CEMIP: variants seen among roughly 807,000 people sequenced by gnomAD.
The protein encoded by CEMIP is cell migration-inducing and hyaluronan-binding protein.
In CEMIP, 105 loss-of-function variants were observed where a neutral mutation model predicts 156.9. The observed-to-expected ratio is 0.67, with a 90% CI of 0.57 to 0.79. CEMIP has a LOEUF of 0.79. CEMIP is among the 30% of genes least tolerant of loss of function. The pLI is 0.00. For synonymous variants in CEMIP, 676 were observed against 668.4 expected (o/e 1.01, Z -0.17); for missense variants, 1,457 against 1,769.4 (o/e 0.82, Z 3.17).
chr15:80,785,111 A>G (rs1386867378), intron 1 of CEMIP, among the ~76,000 whole-genome samples: 1 of 152,202 alleles, frequency 6.6e-6, no homozygotes, highest in African/African-American at 2.4e-5. Context: ...GGACCGAGCT[A>G]CTTTTAAGCG....
At chr15:80,860,190 T>G (rs1267693956) in intron 1 of CEMIP, among the ~76,000 whole-genome samples, 1 of 152,182 alleles carries the variant, frequency 6.6e-6, no homozygotes, top group Non-Finnish European at 1.5e-5. Context: ...AGAATTACAC[T>G]TCTATCATAC....
At chr15:80,862,950 G>A (rs1420590970) in intron 1 of CEMIP, among the ~76,000 whole-genome samples, 6 of 152,168 alleles carry the variant, frequency 3.9e-5, no homozygotes, top group Non-Finnish European at 5.9e-5. Context: ...ACCTTTTATC[G>A]TGGGCAGCAC....
chr15:80,789,328 G>A (rs537832024), intron 1 of CEMIP, among the ~76,000 whole-genome samples: 86 of 152,310 alleles, frequency 5.6e-4, no homozygotes, highest in African/African-American at 1.9e-3. Flanking sequence ...GGGATCTGAC[G>A]TTGCTCTCTT....
In CEMIP at chr15:80,921,069, A is replaced by C. The variant is rs760417459; in HGVS notation, c.2041A>C (p.Asn681His). The C allele has an allele frequency of 5.9e-5, 95 of 1,614,092 alleles. 2 individuals carry two copies. In the Middle Eastern group the frequency reaches 1.3e-3, roughly 22 times the overall value. Residue 681 changes from asparagine to histidine, a missense_variant, in exon 16 of 30, where the codon AAC (asparagine) becomes CAC (histidine). Physicochemically the swap from Asn to His is moderately conservative, Grantham distance 68. Coordinates refer to ENST00000394685, the MANE Select transcript of CEMIP (RefSeq NM_001293298.2). ...CTTCTGGATGGCCAATCCCAACAAC[A>C]ACCTCATCAACTGTGCCGCTGCAGG... is the stretch of plus-strand genomic sequence containing the variant. ...STFWMANPNN[N>H]LINCAAAGSE...
chr15:80,840,116 G>A (rs1261573788), intron 1 of CEMIP, among the ~76,000 whole-genome samples: 2 of 152,328 alleles, frequency 1.3e-5, no homozygotes, highest in Admixed American at 6.5e-5. Flanking sequence ...GTGGAAAGGG[G>A]GGTGTCTAAG....
chr15:80,783,972 G>A (rs1895862611), intron 1 of CEMIP, among the ~76,000 whole-genome samples: 1 of 152,158 alleles, frequency 6.6e-6, no homozygotes, highest in African/African-American at 2.4e-5. Flanking sequence ...GACTCAGCTT[G>A]GCTCCAGGAA....
At chr15:80,847,891 G>C (rs1295424939) in intron 1 of CEMIP, among the ~76,000 whole-genome samples, 1 of 152,194 alleles carries the variant, frequency 6.6e-6, no homozygotes, top group African/African-American at 2.4e-5. Flanking sequence ...AGTGAGCCGT[G>C]GAGATGCTCG....
chr15:80,926,026 C>T (rs1189910710), intron 19 of CEMIP, among the ~76,000 whole-genome samples: 2 of 152,178 alleles, frequency 1.3e-5, no homozygotes, highest in Non-Finnish European at 1.5e-5. Context: ...TTGGCTCTCT[C>T]AAGGTCATGC....
At chr15:80,809,167 T>C (rs746721777) in intron 1 of CEMIP, among the ~76,000 whole-genome samples, 10 of 152,314 alleles carry the variant, frequency 6.6e-5, no homozygotes, top group Middle Eastern at 3.4e-3. Context: ...TGTTAAAGAC[T>C]TTATCAGGGA....
intron 1 of CEMIP, among the ~76,000 whole-genome samples, chr15:80,833,234 A>T (rs1412041256): frequency 6.6e-6 from 1 of 152,194 alleles, no homozygotes; most frequent in Non-Finnish European, 1.5e-5. Flanking sequence ...TCGGGGACCC[A>T]GCAAGATGTG....
chr15:80,779,672 G>C (rs1596082486), intron 1 of CEMIP, 58 bp downstream of exon 1: 1 of 152,520 alleles, frequency 6.6e-6, no homozygotes, highest in South Asian at 2.1e-4. Context: ...CCACGGAAGA[G>C]AGGTAAGAAG....
At chr15:80,926,824 G>GC (rs1900694616) in intron 19 of CEMIP, among the ~76,000 whole-genome samples, 2 of 128,132 alleles carry the variant, frequency 1.6e-5, no homozygotes, top group African/African-American at 6.5e-5. Context: ...GCGGGTGGGG[G>GC]GGGGGGGTCT....
chr15:80,893,477 C>T (rs1286877275), intron 10 of CEMIP, among the ~76,000 whole-genome samples: 1 of 152,136 alleles, frequency 6.6e-6, no homozygotes, highest in Non-Finnish European at 1.5e-5. Flanking sequence ...AATCTCCAGC[C>T]CCCTTCGATA....
chr15:80,871,913 C>G (rs1231635615), intron 1 of CEMIP, among the ~76,000 whole-genome samples: 1 of 152,142 alleles, frequency 6.6e-6, no homozygotes, highest in Non-Finnish European at 1.5e-5. Flanking sequence ...GCTGAAGTGA[C>G]TAGAATGGGC....
chr15:80,841,213 T>C (rs1320814457), intron 1 of CEMIP, among the ~76,000 whole-genome samples: 1 of 152,174 alleles, frequency 6.6e-6, no homozygotes, highest in Non-Finnish European at 1.5e-5. Flanking sequence ...ACTTCCCCAA[T>C]TTAAAAAATG....
intron 1 of CEMIP, among the ~76,000 whole-genome samples, chr15:80,835,878 T>C (rs947331090): frequency 3.3e-5 from 5 of 152,190 alleles, no homozygotes; most frequent in Non-Finnish European, 7.4e-5. Context: ...ACCATGGATT[T>C]TTCTTTTCAA....
At chr15:80,886,059 G>A (rs1354446727) in intron 7 of CEMIP, among the ~76,000 whole-genome samples, 3 of 152,186 alleles carry the variant, frequency 2.0e-5, no homozygotes, top group Admixed American at 1.3e-4. Context: ...GGAGGTACTC[G>A]GTTAGACCAG....
At chr15:80,923,762 T>C (rs1900557298) in intron 17 of CEMIP, among the ~76,000 whole-genome samples, 1 of 152,198 alleles carries the variant, frequency 6.6e-6, no homozygotes, top group Non-Finnish European at 1.5e-5. Context: ...ACCTGGGGTC[T>C]CTTATTGGGT....
chr15:80,859,082 C>CT (rs935142646), intron 1 of CEMIP, among the ~76,000 whole-genome samples: 5 of 151,992 alleles, frequency 3.3e-5, no homozygotes, highest in African/African-American at 7.3e-5. Flanking sequence ...GCCAATGTCC[C>CT]TTTTTTTTGA....
Sources: allele counts gnomAD v4.1 joint callset (sites outside exome capture counted in the v4.1 genomes callset), GRCh38; gene constraint gnomAD v4.1.1; transcripts MANE v1.5; gene names NCBI Gene and HGNC (gene_info 2026-07-23, HGNC 2026-07-21).